PTPRT: variants seen among roughly 807,000 people sequenced by gnomAD.
PTPRT encodes the protein protein tyrosine phosphatase receptor type T, also known as receptor-type tyrosine-protein phosphatase T.
PTPRT carries 56 observed loss-of-function variants against 176.8 expected under a neutral mutation model. The ratio of observed to expected loss-of-function variants is 0.32; its 90% CI spans 0.26 to 0.40. The LOEUF (loss-of-function observed/expected upper bound fraction) is 0.40, where lower values mean the gene tolerates loss of function less well. Among genes scored for constraint, PTPRT ranks in the 10% least tolerant of loss-of-function variants. The probability of loss-of-function intolerance (pLI) is 1.00; values close to 1 mark genes in which losing one functional copy is unlikely to be tolerated. For missense variants in PTPRT, 1,540 were observed against 1,908.2 expected (o/e 0.81, Z 3.60); for synonymous variants, 783 against 739.0 (o/e 1.06, Z -0.96).
At chr20:42,984,257 C>T (rs948677840) in intron 1 of PTPRT, among the ~76,000 whole-genome samples, 11 of 152,276 alleles carry the variant, frequency 7.2e-5, no homozygotes, top group Non-Finnish European at 1.6e-4. Context: ...AAAGAAGTAA[C>T]TAATCAAATG....
In PTPRT at chr20:42,392,096, T is replaced by G. The variant is rs116227491; in HGVS notation, c.1561-39811A>C. On this transcript the variant is annotated intron_variant, in intron 9 of 30. Transcript: ENST00000373187. ...ACTGTTATACCTGATGCCAACTCCC[T>G]ACCTCACAGTTAATTTGTCTCCTAC... 8.8e-3 allele frequency among the ~76,000 whole-genome samples: 1,342 copies of G among 152,294 alleles called. 24 individuals carry two copies. The highest frequency in any genetic ancestry group is 0.031 in the African/African-American group (1,284 of 41,572).
chr20:42,404,100 G>C (rs558233094), intron 9 of PTPRT, among the ~76,000 whole-genome samples: 7 of 152,176 alleles, frequency 4.6e-5, no homozygotes, highest in Admixed American at 1.3e-4. Flanking sequence ...GGTTGAGACT[G>C]GCTAGATATT....
At chr20:42,788,819 C>T (rs1162141147) in intron 3 of PTPRT, among the ~76,000 whole-genome samples, 1 of 152,162 alleles carries the variant, frequency 6.6e-6, no homozygotes, top group Admixed American at 6.5e-5. Flanking sequence ...AGTTACCCCG[C>T]TTCATCTCCC....
At chr20:42,613,707 CACAATTACA>C (rs1205917491) in intron 7 of PTPRT, among the ~76,000 whole-genome samples, 1 of 152,170 alleles carries the variant, frequency 6.6e-6, no homozygotes, top group African/African-American at 2.4e-5. Context: ...ATGAGCTACT[CACAATTACA>C]ACTGTCTAAG....
At chr20:42,470,610 C>T (rs915912684) in intron 8 of PTPRT, among the ~76,000 whole-genome samples, 3 of 152,010 alleles carry the variant, frequency 2.0e-5, no homozygotes, top group African/African-American at 4.8e-5. Flanking sequence ...CTTAGGTAAG[C>T]CCTGGAACTG....
chr20:43,048,755 C>T (rs575512426), intron 1 of PTPRT, among the ~76,000 whole-genome samples: 1 of 152,308 alleles, frequency 6.6e-6, no homozygotes, highest in African/African-American at 2.4e-5. Flanking sequence ...TTGCCATCTG[C>T]TCCACAACAG....
At chr20:42,438,434 T>C (rs6016794) in intron 9 of PTPRT, among the ~76,000 whole-genome samples, 124,955 of 151,618 alleles carry the variant, frequency 0.82, 51,677 homozygotes, top group East Asian at 0.88. Context: ...CCCCCTAGTT[T>C]AGGAGAAAAC....
intron 2 of PTPRT, among the ~76,000 whole-genome samples, chr20:42,822,681 C>A (rs1400664700): frequency 6.6e-6 from 1 of 151,930 alleles, no homozygotes; most frequent in Non-Finnish European, 1.5e-5. Context: ...CCACAAGTTA[C>A]AAGGAACTTA....
chr20:42,256,450 G>A (rs1001251447), intron 13 of PTPRT, among the ~76,000 whole-genome samples: 2 of 151,774 alleles, frequency 1.3e-5, no homozygotes, highest in African/African-American at 4.8e-5. Context: ...AAACAGGAGG[G>A]GTGCGAGAAG....
At chr20:42,476,865 C>A (rs1056811110) in intron 7 of PTPRT, among the ~76,000 whole-genome samples, 1 of 152,160 alleles carries the variant, frequency 6.6e-6, no homozygotes, top group African/African-American at 2.4e-5. Context: ...ATGGCCGAGC[C>A]CCCATTCTCT....
At chr20:42,574,729 C>T (rs532876352) in intron 7 of PTPRT, among the ~76,000 whole-genome samples, 87 of 152,260 alleles carry the variant, frequency 5.7e-4, no homozygotes, top group African/African-American at 2.0e-3. Flanking sequence ...TGTGTCCCCA[C>T]TCAAATCTCA....
the PTPRT span, among the ~76,000 whole-genome samples, chr20:42,043,714 A>G: frequency 5.9e-5 from 9 of 152,358 alleles, no homozygotes; most frequent in African/African-American, 2.2e-4. Context: ...TTAATTTGCT[A>G]TCACAGCATA....
chr20:42,493,312 C>T (rs948237673), intron 7 of PTPRT, among the ~76,000 whole-genome samples: 2 of 152,034 alleles, frequency 1.3e-5, no homozygotes, highest in East Asian at 1.9e-4. Flanking sequence ...GTATTCTATG[C>T]CTCAGTTTAC....
chr20:42,251,994 G>A (rs957606029), intron 13 of PTPRT, among the ~76,000 whole-genome samples: 3 of 152,124 alleles, frequency 2.0e-5, no homozygotes, highest in Middle Eastern at 3.2e-3. Flanking sequence ...AGACTACTGC[G>A]GGCATTCAGA....
chr20:42,760,380 C>CTTTTT (rs754362528), intron 5 of PTPRT, among the ~76,000 whole-genome samples: 20 of 94,232 alleles, frequency 2.1e-4, no homozygotes, highest in African/African-American at 7.7e-4. Context: ...TCTAAATCTG[C>CTTTTT]TTTTTTTTTT....
chr20:42,735,859 C>T (rs972940771), intron 6 of PTPRT, among the ~76,000 whole-genome samples: 2 of 152,060 alleles, frequency 1.3e-5, no homozygotes, highest in African/African-American at 2.4e-5. Context: ...TGCAGCCACT[C>T]GGCCCTCAAC....
At chr20:42,340,723 T>C (rs1321730126) in intron 11 of PTPRT, among the ~76,000 whole-genome samples, 4 of 152,192 alleles carry the variant, frequency 2.6e-5, no homozygotes, top group Admixed American at 2.6e-4. Flanking sequence ...GTCTGACCTT[T>C]GGGCAGTTGC....
chr20:42,749,289 TCACC>T (rs2076736233), intron 6 of PTPRT, among the ~76,000 whole-genome samples: 1 of 152,138 alleles, frequency 6.6e-6, no homozygotes, highest in Non-Finnish European at 1.5e-5. Flanking sequence ...CCCAAACATG[TCACC>T]CACTCAGTGT....
intron 2 of PTPRT, among the ~76,000 whole-genome samples, chr20:42,825,510 T>A (rs181257299): frequency 3.3e-5 from 5 of 152,266 alleles, no homozygotes; most frequent in African/African-American, 1.2e-4. Context: ...CCTAATTTTG[T>A]AAAATATATA....
Sources: allele counts gnomAD v4.1 joint callset (sites outside exome capture counted in the v4.1 genomes callset), GRCh38; gene constraint gnomAD v4.1.1; transcripts MANE v1.5; gene names NCBI Gene and HGNC (gene_info 2026-07-23, HGNC 2026-07-21).